Variants in BTBD19 observed in about 807,000 individuals in gnomAD.
BTBD19 encodes BTB domain containing 19.
BTBD19 carries 20 observed loss-of-function variants against 36.1 expected under a neutral mutation model. The ratio of observed to expected loss-of-function variants is 0.55; its 90% CI spans 0.39 to 0.80. BTBD19 has a LOEUF of 0.80. BTBD19 is among the 30% of genes least tolerant of loss of function. The pLI, the probability that BTBD19 is intolerant of heterozygous loss-of-function variation, is 0.00. For synonymous variants in BTBD19, 157 were observed against 174.3 expected (o/e 0.90, Z 0.78); for missense variants, 325 against 389.8 (o/e 0.83, Z 1.40).
chr1:44,814,160 T>TTCTGTCTTTCTG (rs879548612), downstream of BTBD19: 6 of 131,006 alleles, frequency 4.6e-5, no homozygotes, highest in East Asian at 2.4e-4. Context: ...CTTTCTTTCT[T>TTCTGTCTTTCTG]TCTTTCTTTC....
intron 1 of BTBD19, among the ~76,000 whole-genome samples, chr1:44,809,918 T>G (rs1652320638): frequency 6.9e-6 from 1 of 145,668 alleles, no homozygotes; most frequent in South Asian, 2.1e-4. Context: ...CAGATGCCCC[T>G]CAGTAATCAA....
intron 1 of BTBD19, 53 bp downstream of exon 1, chr1:44,808,959 A>G (rs1652268232): frequency 7.2e-7 from 1 of 1,387,956 alleles, no homozygotes; most frequent in Non-Finnish European, 9.7e-7. Context: ...TGTGGGCCCC[A>G]GGACTCTAAG....
chr1:44,810,320 G>A lies in BTBD19; in HGVS notation c.194G>A (p.Gly65Asp), dbSNP rs1380958021. ...CAGCGACTTCTGGGCACAGAGCCAG[G>A]CCCCGGGGTGCCCAGTCCTGTGGTG... The change falls in exon 2 of 8, where the codon GGC (glycine) becomes GAC (aspartate). Residue 65 changes from glycine to aspartate, a missense_variant. Physicochemically the swap from Gly to Asp is moderately conservative, Grantham distance 94 (BLOSUM62 -1). Coordinates refer to ENST00000450269, the Ensembl canonical transcript of BTBD19. This position sits in a 1 kb window ranked among gnomAD's most constrained non-coding sequence, Gnocchi z 4.2. 3 of 1,551,774 alleles carry A rather than the reference G, an allele frequency of 1.9e-6. No homozygotes were observed. In the Admixed American group the frequency reaches 5.9e-5, roughly 30 times the overall value.
In BTBD19 at chr1:44,813,241, C is replaced by A; in HGVS notation, c.587C>A (p.Ala196Glu). Residue 196 changes from alanine (A) to glutamate (E), a missense_variant, in exon 6 of 8, where the codon GCG (alanine) becomes GAG (glutamate). Transcript: ENST00000450269. The surrounding 1 kb of genome is among the most constrained non-coding windows in gnomAD (Gnocchi z 7.8). ...GTGGACGAGGCTGAACTGGTCCGCG[C>A]GGCCCGAAGCTGGGCGCGCGTGGGC... 1 of 1,538,862 alleles carries A rather than the reference C, an allele frequency of 6.5e-7. No individual in the cohort carries two copies. The highest frequency in any genetic ancestry group is 8.7e-7 in the Non-Finnish European group (1 of 1,143,562).
rs897195993 is a variant in BTBD19 at position 44,813,988 on chromosome 1, G to A, written c.*216G>A. ...GGTCGGGCCGGGCAGGGCTTGGGCT[G>A]GGCCTCCCTGAGGGGGTGAAACTCG... On this transcript the variant is annotated 3_prime_UTR_variant, in exon 8 of 8. Transcript: ENST00000450269. This position sits in a 1 kb window ranked among gnomAD's most constrained non-coding sequence, Gnocchi z 7.8. 14 of 710,922 alleles carry A rather than the reference G, an allele frequency of 2.0e-5. No individual in the cohort carries two copies. In the African/African-American group the frequency reaches 2.1e-4, roughly 11 times the overall value. The allele number at this position is 710,922 out of a possible 1,614,324, so 44.0% of individuals were successfully genotyped here. A position where few individuals can be genotyped will look rare whatever the true frequency, so the allele number is the denominator to read the frequency against.
At chr1:44,808,881 A>G (rs116187865) in exon 1 of BTBD19, 402 of 1,550,162 alleles carry the variant, frequency 2.6e-4, no homozygotes, top group Non-Finnish European at 3.3e-4. Flanking sequence ...AGCACTCCGA[A>G]GCCTTGTCAA....
intron 1 of BTBD19, among the ~76,000 whole-genome samples, chr1:44,809,517 T>G (rs1652299810): frequency 6.6e-6 from 1 of 152,172 alleles, no homozygotes; most frequent in Non-Finnish European, 1.5e-5. Context: ...CAAAGGGTGG[T>G]GACTTCCATC....
At chr1:44,814,158 C>CTTTCTTTCTTTCT, downstream of BTBD19, 1 of 121,526 alleles carries the variant, frequency 8.2e-6, no homozygotes. Flanking sequence ...CTCTTTCTTT[C>CTTTCTTTCTTTCT]TTTCTTTCTT....
downstream of BTBD19, chr1:44,814,160 T>TTC (rs879548612): frequency 7.6e-6 from 1 of 130,900 alleles, no homozygotes; most frequent in African/African-American, 3.8e-5. Flanking sequence ...CTTTCTTTCT[T>TTC]TCTTTCTTTC....
downstream of BTBD19, chr1:44,814,151 T>TTTC (rs1652586898): frequency 2.9e-5 from 2 of 67,984 alleles, no homozygotes; most frequent in Non-Finnish European, 5.7e-5. Context: ...TTTCTTTCTC[T>TTTC]TTCTTTCTTT....
chr1:44,810,366 G>A lies in BTBD19; in HGVS notation c.240G>A (p.Glu80=). The stretch of plus-strand genomic sequence containing the variant: ...TGGTGCTAAGCACTGTGCCAACTGA[G>A]GCCTTCCTGGCAGTGCTGGAGTTCC... The change falls in exon 2 of 8, where the codon GAG becomes GAA. Residue 80 remains glutamate, a synonymous_variant. Transcript: ENST00000450269. The surrounding 1 kb of genome is among the most constrained non-coding windows in gnomAD (Gnocchi z 4.2). The A allele has an allele frequency of 1.3e-6, 2 of 1,551,748 alleles. No individual in the cohort carries two copies. The highest frequency in any genetic ancestry group is 1.7e-6 in the Non-Finnish European group (2 of 1,147,000).
rs1652250561 is a variant in BTBD19 at position 44,808,705 on chromosome 1, A to C, written c.-116A>C. 4.2e-6 allele frequency: 3 copies of C among 713,830 alleles called. No individual in the cohort carries two copies. The Admixed American group carries it at 9.5e-5, about 23-fold the overall frequency. The allele number at this position is 713,830 out of a possible 1,614,324, so 44.2% of individuals were successfully genotyped here. A position where few individuals can be genotyped will look rare whatever the true frequency, so the allele number is the denominator to read the frequency against. On this transcript the variant is annotated 5_prime_UTR_variant, in exon 1 of 8. Transcript: ENST00000450269. ...CTCCACTCCTAAACTTCAGCTTCTC[A>C]GCAAACAGGCCTCCCAAGTCCCTGC...
exon 1 of BTBD19, chr1:44,808,847 T>C (rs1652259129): frequency 5.2e-6 from 8 of 1,550,154 alleles, no homozygotes; most frequent in African/African-American, 1.4e-5. Context: ...TGGTCGTGCA[T>C]GGGAAAGCTG....
rs185922526 is a variant in BTBD19, at chr1:44,810,270, G to C, written c.144G>C (p.Leu48Phe). Residue 48 changes from leucine (L) to phenylalanine (F), a missense_variant, in exon 2 of 8, where the codon TTG becomes TTC. Coordinates refer to ENST00000450269, the Ensembl canonical transcript of BTBD19. This position sits in a 1 kb window ranked among gnomAD's most constrained non-coding sequence, Gnocchi z 4.2. ...AGGAGGTATTTGCCCATCGGTGCTT[G>C]TTGGCCTGTAGATGCAACTTCTTCC... 208 of 1,550,146 alleles carry C rather than the reference G, an allele frequency of 1.3e-4. No homozygotes were observed. The African/African-American group carries it at 2.5e-3, about 19-fold the overall frequency.
At chr1:44,814,227 T>TTTCTTTTTCTTTCC (rs1652617563), downstream of BTBD19, 1 of 107,106 alleles carries the variant, frequency 9.3e-6, no homozygotes, top group African/African-American at 4.0e-5. Context: ...TTTCTTTCTC[T>TTTCTTTTTCTTTCC]TTCCTTCCTT....
chr1:44,813,837 C>T lies in BTBD19; in HGVS notation c.*65C>T. The T allele has an allele frequency of 6.5e-7, 1 of 1,542,692 alleles. No homozygotes were observed. The highest frequency in any genetic ancestry group is 1.4e-5 in the African/African-American group (1 of 72,968). On this transcript the variant is annotated 3_prime_UTR_variant, in exon 8 of 8. Coordinates refer to ENST00000450269, the Ensembl canonical transcript of BTBD19. This position sits in a 1 kb window ranked among gnomAD's most constrained non-coding sequence, Gnocchi z 7.8. ...GCTGAGCCTGCCCCAAACTACAGCTCCCGAAGTGCTCGGCGTTCGGAGCGG... is the reference window on the plus strand; with the variant it reads ...GCTGAGCCTGCCCCAAACTACAGCTTCCGAAGTGCTCGGCGTTCGGAGCGG...
chr1:44,813,615 C>T lies in BTBD19; in HGVS notation c.742-23C>T, dbSNP rs1175634039. The T allele has an allele frequency of 1.9e-6, 3 of 1,544,804 alleles. No individual in the cohort carries two copies. Among genetic ancestry groups the T allele is most frequent in the Admixed American group, 2.0e-5 (1 of 50,702 alleles). ...GGCGAGGGGCCACCGCGGGACTGCG[C>T]ACTAACTGGCCTTGCTCTGCAGGTG... On this transcript the variant is annotated intron_variant, in intron 7 of 7. Transcript: ENST00000450269. The surrounding 1 kb of genome is among the most constrained non-coding windows in gnomAD (Gnocchi z 7.8).
rs767661800 is a variant in BTBD19, at chr1:44,808,986, G to C, written c.86+80G>C. On this transcript the variant is annotated intron_variant, in intron 1 of 7. Transcript: ENST00000450269. ...GACTCTAAGGAGGCCCTGGTGAGAAGAGGCTGGGAATTAGAACTTGGCCAT... is the reference window on the plus strand; with the variant it reads ...GACTCTAAGGAGGCCCTGGTGAGAACAGGCTGGGAATTAGAACTTGGCCAT... 6.0e-4 allele frequency: 746 copies of C among 1,241,704 alleles called. 2 individuals are homozygous for C. The highest frequency in any genetic ancestry group is 7.3e-4 in the Non-Finnish European group (673 of 916,930). 76.9% of individuals were successfully genotyped at this position (1,241,704 alleles called of 1,614,324 possible).
Position 44,813,059 on chromosome 1 carries a change from A to G in BTBD19, c.478A>G (p.Ser160Gly), listed in dbSNP as rs1652501210. 14 of 1,551,458 alleles carry G rather than the reference A, an allele frequency of 9.0e-6. No homozygotes were observed. Among genetic ancestry groups the G allele is most frequent in the Non-Finnish European group, 1.2e-5 (14 of 1,146,802 alleles). ...CTGCGTGGCTTTCATAGAGGCCCAC[A>G]GCCAGGTACTGCTCCCTTCATACTC... Residue 160 changes from serine to glycine, a missense_variant, in exon 5 of 8, where the codon AGC (serine) becomes GGC (glycine). Physicochemically the swap from Ser to Gly is moderately conservative, Grantham distance 56. Coordinates refer to ENST00000450269, the Ensembl canonical transcript of BTBD19. The surrounding 1 kb of genome is among the most constrained non-coding windows in gnomAD (Gnocchi z 7.8).
Sources: gnomAD v4.1 joint callset for allele counts (sites outside exome capture counted in the v4.1 genomes callset) on GRCh38, gnomAD v4.1.1 for gene constraint, Gnocchi (gnomAD v3.1) non-coding constraint, MANE v1.5 for transcripts, NCBI Gene and HGNC (gene_info 2026-07-23, HGNC 2026-07-21) for gene names.